Variants in FLVCR2 observed in about 807,000 individuals in gnomAD.
FLVCR2 encodes FLVCR choline and putative heme transporter 2.
A neutral mutation model predicts 48.9 loss-of-function variants in FLVCR2; 38 were observed. The ratio of observed to expected loss-of-function variants is 0.78; its 90% CI spans 0.60 to 1.02. The LOEUF (loss-of-function observed/expected upper bound fraction) is 1.02. Among genes scored for constraint, FLVCR2 ranks in the 50% least tolerant of loss-of-function variants. The pLI is 0.00. For synonymous variants in FLVCR2, 255 were observed against 257.0 expected (o/e 0.99, Z 0.07); for missense variants, 664 against 663.3 (o/e 1.00, Z -0.01).
rs1438552709 is a variant in FLVCR2, at chr14:75,579,344, C to T, written c.372C>T (p.Asp124=). 15 of 1,614,244 alleles carry T rather than the reference C, an allele frequency of 9.3e-6. No individual in the cohort carries two copies. The highest frequency in any genetic ancestry group is 1.6e-4 in the Middle Eastern group (1 of 6,062). The change falls in exon 1 of 10, where the codon GAC becomes GAT. Residue 124 remains aspartate, a synonymous_variant. Transcript: ENST00000238667. ...HFYGVSAFAI[D]WLSMCYMLTY... is the part of the protein sequence containing the mutation. The stretch of plus-strand genomic sequence containing the variant: ...ACGGTGTCAGTGCCTTTGCCATTGA[C>T]TGGCTGTCCATGTGCTACATGCTGA...
At chr14:75,611,166 G>A (rs1157180708) in intron 1 of FLVCR2, among the ~76,000 whole-genome samples, 4 of 152,156 alleles carry the variant, frequency 2.6e-5, no homozygotes, top group African/African-American at 9.7e-5. Flanking sequence ...CAAGAAACCT[G>A]TAAAGTGTAA....
At chr14:75,640,412 T>C (rs1219346900) in intron 6 of FLVCR2, among the ~76,000 whole-genome samples, 2 of 151,632 alleles carry the variant, frequency 1.3e-5, no homozygotes, top group African/African-American at 4.8e-5. Context: ...TGTTTGTGTG[T>C]GTGTGTGTGT....
chr14:75,604,993 A>G (rs2140021024), intron 1 of FLVCR2, among the ~76,000 whole-genome samples: 1 of 152,332 alleles, frequency 6.6e-6, no homozygotes, highest in Non-Finnish European at 1.5e-5. Flanking sequence ...CCTGTGCACA[A>G]GACTTTAGTC....
At chr14:75,600,597 T>G (rs963166613) in intron 1 of FLVCR2, among the ~76,000 whole-genome samples, 27 of 152,282 alleles carry the variant, frequency 1.8e-4, no homozygotes, top group Admixed American at 1.7e-3. Flanking sequence ...ATCAAAGACT[T>G]AAACATAAAA....
At chr14:75,637,946 G>T (rs1010188558) in intron 5 of FLVCR2, among the ~76,000 whole-genome samples, 1 of 152,008 alleles carries the variant, frequency 6.6e-6, no homozygotes, top group Admixed American at 6.6e-5. Context: ...ACAGGAGGGG[G>T]TGAGACTGAA....
chr14:75,608,859 A>G (rs1889365648), intron 1 of FLVCR2, among the ~76,000 whole-genome samples: 1 of 152,088 alleles, frequency 6.6e-6, no homozygotes, highest in Non-Finnish European at 1.5e-5. Flanking sequence ...GTGTGCCCCC[A>G]TCCTGGGCCA....
At chr14:75,583,051 A>G (rs1438811678) in intron 1 of FLVCR2, among the ~76,000 whole-genome samples, 1 of 152,216 alleles carries the variant, frequency 6.6e-6, no homozygotes, top group African/African-American at 2.4e-5. Flanking sequence ...TACAGCCCAG[A>G]TAAGTTGCTG....
At chr14:75,586,927 A>C (rs1352684149) in intron 1 of FLVCR2, among the ~76,000 whole-genome samples, 2 of 152,166 alleles carry the variant, frequency 1.3e-5, no homozygotes, top group Non-Finnish European at 2.9e-5. Context: ...GTATTAAAAA[A>C]CAAACAAACA....
intron 3 of FLVCR2, among the ~76,000 whole-genome samples, chr14:75,629,086 C>T (rs1004938750): frequency 4.6e-5 from 7 of 152,034 alleles, no homozygotes; most frequent in Non-Finnish European, 7.4e-5. Flanking sequence ...TGAGGTGCAG[C>T]GATAATTGAA....
rs1594820556 is a variant in FLVCR2, at chr14:75,648,159, T to C, written c.*1687T>C. The C allele has an allele frequency of 6.5e-6, 1 of 152,750 alleles. No homozygotes were observed. Among genetic ancestry groups the C allele is most frequent in the African/African-American group, 2.4e-5 (1 of 41,568 alleles). The allele number at this position is 152,750 out of a possible 1,614,324, so 9.5% of individuals were successfully genotyped here. ...CTGACATTTCGAGGCAATAAAAACT[T>C]CTCAGAAAGTGGTCTGCCTTATCAT... On this transcript the variant is annotated 3_prime_UTR_variant, in exon 10 of 10. Coordinates refer to ENST00000238667, the MANE Select transcript of FLVCR2 (RefSeq NM_017791.3).
intron 2 of FLVCR2, among the ~76,000 whole-genome samples, chr14:75,623,242 A>G (rs1295046964): frequency 6.6e-6 from 1 of 152,182 alleles, no homozygotes; most frequent in African/African-American, 2.4e-5. Flanking sequence ...TCAGCCTCCC[A>G]AAGTGCTGGG....
chr14:75,631,742 T>G (rs1890044617), intron 3 of FLVCR2: 1 of 455,922 alleles, frequency 2.2e-6, no homozygotes, highest in Non-Finnish European at 4.4e-6. Flanking sequence ...TTCTTCTCCT[T>G]CCCACGCTCC....
intron 8 of FLVCR2, 120 bp downstream of exon 8, chr14:75,641,413 G>T: frequency 1.4e-6 from 1 of 732,514 alleles, no homozygotes; most frequent in Non-Finnish European, 2.5e-6. Flanking sequence ...GTTTGTTGGG[G>T]AATCTGTTGG....
chr14:75,584,746 A>C (rs1594788725), intron 1 of FLVCR2, among the ~76,000 whole-genome samples: 1 of 152,218 alleles, frequency 6.6e-6, no homozygotes, highest in East Asian at 1.9e-4. Flanking sequence ...TTTCCCGTTC[A>C]TCTGGGGAGA....
At chr14:75,594,602 T>C (rs1767429749) in intron 1 of FLVCR2, among the ~76,000 whole-genome samples, 1 of 152,182 alleles carries the variant, frequency 6.6e-6, no homozygotes, top group South Asian at 2.1e-4. Context: ...TCTTGCTGCA[T>C]CATAACATGG....
At chr14:75,604,940 A>G (rs1453103946) in intron 1 of FLVCR2, among the ~76,000 whole-genome samples, 2 of 152,116 alleles carry the variant, frequency 1.3e-5, no homozygotes, top group African/African-American at 4.8e-5. Context: ...AAGACTTTGG[A>G]GACTCTGGGG....
chr14:75,642,700 G>A (rs1396867556), intron 9 of FLVCR2, among the ~76,000 whole-genome samples: 1 of 152,158 alleles, frequency 6.6e-6, no homozygotes, highest in South Asian at 2.1e-4. Context: ...TCATCATTTA[G>A]AGATGAGATG....
intron 3 of FLVCR2, among the ~76,000 whole-genome samples, chr14:75,629,615 C>T (rs1414253730): frequency 6.6e-6 from 1 of 152,084 alleles, no homozygotes; most frequent in African/African-American, 2.4e-5. Context: ...GAGAAAGGAA[C>T]CTTCCTCTGG....
intron 5 of FLVCR2, among the ~76,000 whole-genome samples, chr14:75,638,863 T>A (rs1890232798): frequency 6.6e-6 from 1 of 152,174 alleles, no homozygotes; most frequent in Non-Finnish European, 1.5e-5. Flanking sequence ...TTTTGTGTGA[T>A]CATCATCTGT....
Sources: gnomAD v4.1 joint callset for allele counts (sites outside exome capture counted in the v4.1 genomes callset) on GRCh38, gnomAD v4.1.1 for gene constraint, MANE v1.5 for transcripts, NCBI Gene and HGNC (gene_info 2026-07-23, HGNC 2026-07-21) for gene names.